SSBP2: variants seen among roughly 807,000 people sequenced by gnomAD.
SSBP2 encodes the protein single-stranded DNA-binding protein 2.
Under a neutral mutation model 61.8 loss-of-function variants are expected in SSBP2, and 17 were observed. The ratio of observed to expected loss-of-function variants is 0.28; its 90% CI spans 0.19 to 0.41. The LOEUF (loss-of-function observed/expected upper bound fraction) is 0.41. SSBP2 is among the 10% of genes least tolerant of loss of function. The pLI is 1.00. For synonymous variants in SSBP2, 139 were observed against 141.3 expected (o/e 0.98, Z 0.12); for missense variants, 310 against 458.7 (o/e 0.68, Z 2.96).
chr5:81,715,151 C>G (rs763428207), intron 1 of SSBP2, among the ~76,000 whole-genome samples: 1 of 152,014 alleles, frequency 6.6e-6, no homozygotes, highest in Non-Finnish European at 1.5e-5. Flanking sequence ...CAGAGACAGA[C>G]AGGAGGGGCT....
chr5:81,552,625 A>G (rs1339354790), intron 4 of SSBP2, among the ~76,000 whole-genome samples: 8 of 151,012 alleles, frequency 5.3e-5, no homozygotes, highest in Non-Finnish European at 1.2e-4. Flanking sequence ...GCAACAGAGC[A>G]AGACTATGTC....
chr5:81,480,952 T>C (rs1428131530), intron 6 of SSBP2, among the ~76,000 whole-genome samples: 2 of 152,216 alleles, frequency 1.3e-5, no homozygotes, highest in Non-Finnish European at 2.9e-5. Flanking sequence ...AGATTTCATA[T>C]CAAGAAACCA....
chr5:81,460,781 T>C (rs567299589), intron 10 of SSBP2, among the ~76,000 whole-genome samples: 4 of 152,300 alleles, frequency 2.6e-5, no homozygotes, highest in African/African-American at 9.6e-5. Flanking sequence ...GCTATTGTAG[T>C]ATATACTTAA....
At chr5:81,461,702 A>C (rs6898861) in intron 9 of SSBP2, among the ~76,000 whole-genome samples, 1 of 152,126 alleles carries the variant, frequency 6.6e-6, no homozygotes, top group African/African-American at 2.4e-5. Flanking sequence ...TCTTGTTCTC[A>C]TAATTTCAGT....
chr5:81,689,776 G>A (rs1022837836), intron 1 of SSBP2, among the ~76,000 whole-genome samples: 1 of 151,992 alleles, frequency 6.6e-6, no homozygotes, highest in African/African-American at 2.4e-5. Flanking sequence ...AAACTTACTG[G>A]TATGGTAAGT....
At chr5:81,510,955 C>G (rs1768557046) in intron 5 of SSBP2, among the ~76,000 whole-genome samples, 1 of 152,064 alleles carries the variant, frequency 6.6e-6, no homozygotes, top group Admixed American at 6.5e-5. Flanking sequence ...CAAGTTCAAA[C>G]TCTACTAACC....
chr5:81,553,672 C>T (rs1378656421), intron 4 of SSBP2, among the ~76,000 whole-genome samples: 1 of 151,940 alleles, frequency 6.6e-6, no homozygotes, highest in Non-Finnish European at 1.5e-5. Flanking sequence ...AATAAAATAT[C>T]ATCATCAGGG....
chr5:81,600,270 T>C (rs1744219608), intron 4 of SSBP2, among the ~76,000 whole-genome samples: 1 of 151,832 alleles, frequency 6.6e-6, no homozygotes, highest in South Asian at 2.1e-4. Flanking sequence ...TACATTTTAG[T>C]CAGAAAATAA....
chr5:81,519,481 T>C (rs902101499), intron 4 of SSBP2, among the ~76,000 whole-genome samples: 4 of 152,154 alleles, frequency 2.6e-5, no homozygotes, highest in African/African-American at 9.7e-5. Context: ...CCAGCTATAT[T>C]ACATTTCTCA....
chr5:81,707,672 A>G (rs1754487761), intron 1 of SSBP2, among the ~76,000 whole-genome samples: 4 of 152,120 alleles, frequency 2.6e-5, no homozygotes, highest in African/African-American at 9.7e-5. Context: ...ACAACAGGCA[A>G]TAAGAAATGA....
intron 12 of SSBP2, 94 bp from the exon 13 acceptor site, chr5:81,442,817 C>A (rs1763120110): frequency 1.7e-6 from 1 of 597,616 alleles, no homozygotes; most frequent in Non-Finnish European, 2.9e-6. Flanking sequence ...CATACAGATA[C>A]CTCTCTCTAT....
chr5:81,617,648 T>C (rs1297338158), intron 3 of SSBP2, among the ~76,000 whole-genome samples: 22 of 57,818 alleles, frequency 3.8e-4, no homozygotes, highest in African/African-American at 1.5e-3. Flanking sequence ...GACACATAAT[T>C]GTCAGATTCA....
intron 4 of SSBP2, among the ~76,000 whole-genome samples, chr5:81,589,784 T>C (rs1443696266): frequency 3.3e-5 from 5 of 152,012 alleles, no homozygotes; most frequent in African/African-American, 7.2e-5. Flanking sequence ...AAGTACAAAA[T>C]TGAGAGGCTA....
At chr5:81,517,116 C>T (rs1023237303) in intron 4 of SSBP2, among the ~76,000 whole-genome samples, 3 of 151,906 alleles carry the variant, frequency 2.0e-5, no homozygotes, top group African/African-American at 4.8e-5. Flanking sequence ...AATATATCCA[C>T]GACTATTTAG....
At chr5:81,583,494 G>A (rs572292564) in intron 4 of SSBP2, among the ~76,000 whole-genome samples, 2 of 152,064 alleles carry the variant, frequency 1.3e-5, no homozygotes, top group African/African-American at 2.4e-5. Flanking sequence ...GCTGGGCATG[G>A]TGGCAGGCGC....
intron 4 of SSBP2, among the ~76,000 whole-genome samples, chr5:81,600,417 T>G (rs995482823): frequency 1.3e-5 from 2 of 151,574 alleles, no homozygotes; most frequent in African/African-American, 4.8e-5. Context: ...AAAAATTAGC[T>G]GGGCGTGGTG....
At chr5:81,433,592 TAAAA>T (rs532034844) in intron 15 of SSBP2, among the ~76,000 whole-genome samples, 1 of 104,032 alleles carries the variant, frequency 9.6e-6, no homozygotes, top group Non-Finnish European at 2.2e-5. Context: ...GAATGATCAA[TAAAA>T]AAAAAAAAAA....
chr5:81,663,777 C>G (rs561662418), intron 1 of SSBP2, among the ~76,000 whole-genome samples: 1 of 152,226 alleles, frequency 6.6e-6, no homozygotes, highest in Admixed American at 6.5e-5. Flanking sequence ...TTTTAATATT[C>G]AAAGAAAGTG....
chr5:81,613,437 G>A (rs929029973), intron 4 of SSBP2, among the ~76,000 whole-genome samples: 3 of 152,108 alleles, frequency 2.0e-5, no homozygotes, highest in African/African-American at 7.2e-5. Flanking sequence ...TTTTCAAAGT[G>A]TCTTATGAAT....
Sources: gnomAD v4.1 joint callset for allele counts (sites outside exome capture counted in the v4.1 genomes callset) on GRCh38, gnomAD v4.1.1 for gene constraint, MANE v1.5 for transcripts, NCBI Gene and HGNC (gene_info 2026-07-23, HGNC 2026-07-21) for gene names.